Variants in ERCC6L2 observed in about 807,000 individuals in gnomAD.
ERCC6L2 encodes the protein DNA excision repair protein ERCC-6-like 2.
Under a neutral mutation model 132.0 loss-of-function variants are expected in ERCC6L2, and 77 were observed. The observed-to-expected ratio is 0.58, with a 90% confidence interval of 0.49 to 0.71. The LOEUF (loss-of-function observed/expected upper bound fraction) is 0.71, where lower values mean the gene tolerates loss of function less well. Among genes scored for constraint, ERCC6L2 ranks in the 30% least tolerant of loss-of-function variants. The pLI is 0.00. For synonymous variants in ERCC6L2, 583 were observed against 632.4 expected, an observed-to-expected ratio of 0.92 and a Z score of 1.17; for missense variants, 1,542 against 1,837.6, an observed-to-expected ratio of 0.84 and a Z score of 2.94.
At chr9:95,977,946 G>A (rs1832737874) in intron 16 of ERCC6L2, 115 bp from the exon 17 acceptor site, 2 of 599,044 alleles carry the variant, frequency 3.3e-6, no homozygotes, top group Non-Finnish European at 2.3e-6. Flanking sequence ...TTTTCCTAAA[G>A]AATATTGTGA....
intron 13 of ERCC6L2, among the ~76,000 whole-genome samples, chr9:95,957,135 G>T (rs939975924): frequency 4.6e-5 from 7 of 152,034 alleles, no homozygotes; most frequent in Admixed American, 4.6e-4. Context: ...CTTCATTTAT[G>T]CCTCTAAACA....
chr9:96,013,056 G>C lies in ERCC6L2; in HGVS notation c.4506G>C (p.Leu1502=), dbSNP rs1428386207. Residue 1502 remains leucine, a synonymous_variant, in exon 19 of 19, where the codon CTG becomes CTC. Coordinates refer to ENST00000653738, the MANE Select transcript of ERCC6L2 (RefSeq NM_020207.7). ...KLTDLAVIET[L]CEKAPLAAPF... ...CAGACTTGGCAGTAATAGAGACTCT[G>C]TGTGAAAAAGCACCTCTAGCAGCAC... 1 of 1,367,564 alleles carries C rather than the reference G, an allele frequency of 7.3e-7. No homozygotes were observed. The highest frequency in any genetic ancestry group is 1.5e-5 in the African/African-American group (1 of 67,854). 84.7% of individuals were successfully genotyped at this position (1,367,564 alleles called of 1,614,324 possible).
At chr9:96,036,269 T>G (rs1302921474) in intron 19 of ERCC6L2, among the ~76,000 whole-genome samples, 1 of 152,142 alleles carries the variant, frequency 6.6e-6, no homozygotes, top group East Asian at 1.9e-4. Context: ...ACTCTATGTA[T>G]GTAATATAAT....
At chr9:95,992,816 A>G (rs191193670) in intron 17 of ERCC6L2, among the ~76,000 whole-genome samples, 2 of 152,202 alleles carry the variant, frequency 1.3e-5, no homozygotes, top group Admixed American at 6.5e-5. Context: ...CTGCCAAGAA[A>G]GGCTTTCTAT....
intron 2 of ERCC6L2, among the ~76,000 whole-genome samples, chr9:95,888,918 T>C (rs1234066554): frequency 2.0e-5 from 3 of 152,138 alleles, no homozygotes; most frequent in Non-Finnish European, 4.4e-5. Flanking sequence ...AATATATAGC[T>C]AAGAGTTTGT....
At chr9:95,974,120 C>G (rs1368641054) in intron 16 of ERCC6L2, among the ~76,000 whole-genome samples, 1 of 152,182 alleles carries the variant, frequency 6.6e-6, no homozygotes, top group Admixed American at 6.5e-5. Flanking sequence ...GCCATTGATA[C>G]TTAATACCTA....
chr9:95,876,116 G>T, intron 1 of ERCC6L2, 32 bp downstream of exon 1: 1 of 1,547,826 alleles, frequency 6.5e-7, no homozygotes, highest in South Asian at 1.2e-5. Flanking sequence ...CTTACGCAGA[G>T]GCCTGTGTAC....
At chr9:95,935,394 A>G (rs1011622092) in intron 11 of ERCC6L2, among the ~76,000 whole-genome samples, 6 of 152,188 alleles carry the variant, frequency 3.9e-5, no homozygotes, top group Non-Finnish European at 8.8e-5. Flanking sequence ...AGGAGAACTC[A>G]TGAGTTATTT....
At chr9:96,002,347 C>T (rs1281999393) in intron 17 of ERCC6L2, among the ~76,000 whole-genome samples, 1 of 151,716 alleles carries the variant, frequency 6.6e-6, no homozygotes. Flanking sequence ...GTTTTTTTCT[C>T]TGCGTGTTGA....
intron 12 of ERCC6L2, among the ~76,000 whole-genome samples, chr9:95,942,566 G>T (rs972825896): frequency 6.6e-6 from 1 of 151,902 alleles, no homozygotes; most frequent in Non-Finnish European, 1.5e-5. Context: ...AATGGAGAGG[G>T]CTAATGGAAA....
At position 96,015,426 on chromosome 9, in the gene ERCC6L2, G is replaced by A. The variant is rs886895732; in HGVS notation, c.*2223G>A. 3.3e-5 allele frequency among the ~76,000 whole-genome samples: 5 copies of A among 151,686 alleles called. No homozygotes were observed. Among genetic ancestry groups the A allele is most frequent in the African/African-American group, 1.2e-4 (5 of 41,376 alleles). The stretch of plus-strand genomic sequence containing the variant: ...TGGTCTCAATCTCCTGGCTGCAAGC[G>A]ATCCACCTGCCTTGTCCTCCCAAAG... On this transcript the variant is annotated 3_prime_UTR_variant, in exon 19 of 19. Coordinates refer to ENST00000653738, the MANE Select transcript of ERCC6L2 (RefSeq NM_020207.7).
intron 18 of ERCC6L2, among the ~76,000 whole-genome samples, chr9:96,011,424 A>G (rs1272587585): frequency 6.6e-6 from 1 of 152,104 alleles, no homozygotes; most frequent in East Asian, 1.9e-4. Flanking sequence ...GTCCTGGGTT[A>G]GGGGGCTTCT....
intron 2 of ERCC6L2, among the ~76,000 whole-genome samples, chr9:95,896,959 A>G (rs1446982660): frequency 2.6e-5 from 4 of 151,978 alleles, no homozygotes; most frequent in East Asian, 1.9e-4. Flanking sequence ...CTTTTCTTCT[A>G]TCATTTGGGA....
chr9:95,905,497 A>C (rs947547298), intron 3 of ERCC6L2, among the ~76,000 whole-genome samples: 2 of 152,226 alleles, frequency 1.3e-5, no homozygotes, highest in African/African-American at 4.8e-5. Flanking sequence ...CTCAGATGCA[A>C]TTTGCACCTA....
chr9:96,014,515 A>G lies in ERCC6L2; in HGVS notation c.*1312A>G, dbSNP rs1834137392. 1 of 152,246 alleles carries G rather than the reference A, an allele frequency of 6.6e-6. No individual in the cohort carries two copies. The highest frequency in any genetic ancestry group is 2.1e-4 in the South Asian group (1 of 4,832). 9.4% of individuals were successfully genotyped at this position (152,246 alleles called of 1,614,324 possible). A position where few individuals can be genotyped will look rare whatever the true frequency, so the allele number is the denominator to read the frequency against. ...TAAAATTTATGTCATGACTCAGTAC[A>G]TATGTGTTCGTACATATATGATTGG... On this transcript the variant is annotated 3_prime_UTR_variant, in exon 19 of 19. Coordinates refer to ENST00000653738, the MANE Select transcript of ERCC6L2 (RefSeq NM_020207.7).
chr9:96,026,687 C>T (rs1834370763), intron 19 of ERCC6L2, among the ~76,000 whole-genome samples: 1 of 136,256 alleles, frequency 7.3e-6, no homozygotes, highest in African/African-American at 2.6e-5. Context: ...CCACACACAC[C>T]ACACTACACA....
chr9:95,941,781 G>C (rs750345267), intron 12 of ERCC6L2, among the ~76,000 whole-genome samples: 1 of 152,058 alleles, frequency 6.6e-6, no homozygotes, highest in Non-Finnish European at 1.5e-5. Context: ...TAAGAAGAAA[G>C]AATAAATTCC....
chr9:95,923,417 A>G (rs370153746), intron 9 of ERCC6L2, 38 bp downstream of exon 9: 1 of 1,606,620 alleles, frequency 6.2e-7, no homozygotes, highest in African/African-American at 1.3e-5. Context: ...CAGACATGAT[A>G]CACAAAATAT....
At chr9:96,022,247 C>G (rs1834304359), downstream of ERCC6L2, among the ~76,000 whole-genome samples, 1 of 152,256 alleles carries the variant, frequency 6.6e-6, no homozygotes. Context: ...ATTTTCCACA[C>G]CGCTTCCCCG....
Sources: allele counts gnomAD v4.1 joint callset (sites outside exome capture counted in the v4.1 genomes callset), GRCh38; gene constraint gnomAD v4.1.1; transcripts MANE v1.5; gene names NCBI Gene and HGNC (gene_info 2026-07-23, HGNC 2026-07-21).